Variants in FAM53B observed in about 807,000 individuals in gnomAD.
FAM53B encodes the protein family with sequence similarity 53 member B.
A neutral mutation model predicts 32.7 loss-of-function variants in FAM53B; 12 were observed. That is an observed-to-expected ratio of 0.37 (90% CI 0.24 to 0.59). FAM53B has a LOEUF of 0.59. Ranked by LOEUF, FAM53B falls within the 20% of genes least tolerant of loss-of-function variation. The pLI, the probability that FAM53B is intolerant of heterozygous loss-of-function variation, is 0.72. For synonymous variants in FAM53B, 234 were observed against 228.7 expected (o/e 1.02, Z -0.21); for missense variants, 477 against 577.7 (o/e 0.83, Z 1.79).
intron 4 of FAM53B, among the ~76,000 whole-genome samples, chr10:124,668,314 C>T (rs1304422467): frequency 6.6e-6 from 1 of 152,258 alleles, no homozygotes; most frequent in Non-Finnish European, 1.5e-5. Flanking sequence ...GACCACAGCC[C>T]CCACAGCAGG....
intron 1 of FAM53B, among the ~76,000 whole-genome samples, chr10:124,721,099 G>C (rs1299782662): frequency 6.6e-6 from 1 of 152,248 alleles, no homozygotes; most frequent in African/African-American, 2.4e-5. Flanking sequence ...CTACTCGGGA[G>C]GTTGGGGTGG....
chr10:124,734,841 C>A (rs182728245), intron 1 of FAM53B, among the ~76,000 whole-genome samples: 39 of 152,314 alleles, frequency 2.6e-4, no homozygotes, highest in African/African-American at 9.1e-4. Flanking sequence ...CTCACCAGAC[C>A]CAGGGAATAG....
intron 1 of FAM53B, among the ~76,000 whole-genome samples, chr10:124,707,654 G>A (rs1277424672): frequency 3.3e-5 from 5 of 152,152 alleles, no homozygotes; most frequent in South Asian, 2.1e-4. Flanking sequence ...CAGGAGAATC[G>A]CTTGAACCTG....
chr10:124,661,882 G>C (rs1008357263), intron 4 of FAM53B, among the ~76,000 whole-genome samples: 8 of 152,238 alleles, frequency 5.3e-5, no homozygotes, highest in African/African-American at 1.9e-4. Context: ...GCCTAGCAGG[G>C]GCCAGAGCAA....
intron 1 of FAM53B, among the ~76,000 whole-genome samples, chr10:124,710,970 C>G (rs1949997937): frequency 6.6e-6 from 1 of 152,198 alleles, no homozygotes; most frequent in South Asian, 2.1e-4. Flanking sequence ...TTCTCCTTAG[C>G]ATTTATTCCA....
intron 4 of FAM53B, among the ~76,000 whole-genome samples, chr10:124,648,835 C>T (rs1416428355): frequency 6.6e-6 from 1 of 152,246 alleles, no homozygotes. Flanking sequence ...TGTGGGAAGC[C>T]GCCCTGAGAA....
intron 1 of FAM53B, chr10:124,742,644 CCTG>C (rs1950206007): frequency 6.6e-6 from 1 of 152,320 alleles, no homozygotes; most frequent in African/African-American, 2.4e-5. Flanking sequence ...CATTCCAACT[CCTG>C]CAGCAGTCAA....
intron 3 of FAM53B, among the ~76,000 whole-genome samples, chr10:124,683,393 C>CTA (rs1304751451): frequency 6.6e-6 from 1 of 152,116 alleles, no homozygotes; most frequent in Non-Finnish European, 1.5e-5. Flanking sequence ...TTTCTCGAGC[C>CTA]TATATATATT....
intron 2 of FAM53B, chr10:124,705,543 G>A (rs1235831166): frequency 6.6e-6 from 1 of 152,286 alleles, no homozygotes; most frequent in Non-Finnish European, 1.5e-5. Flanking sequence ...TCTTAGTCAT[G>A]GGATCCTCAA....
At chr10:124,646,578 C>T (rs1949516859) in intron 4 of FAM53B, among the ~76,000 whole-genome samples, 1 of 152,212 alleles carries the variant, frequency 6.6e-6, no homozygotes, top group African/African-American at 2.4e-5. Context: ...ACGAGGTTCC[C>T]GATAGGTGCA....
At chr10:124,661,270 G>T (rs143436058) in intron 4 of FAM53B, among the ~76,000 whole-genome samples, 153 of 152,188 alleles carry the variant, frequency 1.0e-3, no homozygotes, top group African/African-American at 3.5e-3. Flanking sequence ...GAGGTGTGTC[G>T]CATCCCACAC....
intron 2 of FAM53B, 36 bp downstream of exon 2, chr10:124,706,600 T>C (rs756096953): frequency 2.5e-6 from 4 of 1,613,770 alleles, no homozygotes; most frequent in East Asian, 2.2e-5. Flanking sequence ...GCCTCAGAAA[T>C]GGTCATGGAA....
chr10:124,731,792 T>C (rs985232047), intron 1 of FAM53B, among the ~76,000 whole-genome samples: 1 of 152,014 alleles, frequency 6.6e-6, no homozygotes, highest in East Asian at 1.9e-4. Context: ...CCGCATCACC[T>C]CCAAAACTGT....
At chr10:124,731,077 T>C (rs1305479351) in intron 1 of FAM53B, among the ~76,000 whole-genome samples, 1 of 152,232 alleles carries the variant, frequency 6.6e-6, no homozygotes, top group Non-Finnish European at 1.5e-5. Flanking sequence ...ACGCCAGAAC[T>C]ACTGCCCATG....
intron 4 of FAM53B, among the ~76,000 whole-genome samples, chr10:124,650,230 C>A (rs776811347): frequency 9.9e-5 from 15 of 152,222 alleles, no homozygotes; most frequent in South Asian, 4.1e-4. Context: ...AGACCTCTCC[C>A]TCCAAGGAAG....
intron 1 of FAM53B, among the ~76,000 whole-genome samples, chr10:124,715,659 C>G (rs190396955): frequency 6.6e-6 from 1 of 152,242 alleles, no homozygotes; most frequent in East Asian, 1.9e-4. Flanking sequence ...TGATGTCTAT[C>G]TGCTAAGTCA....
intron 4 of FAM53B, among the ~76,000 whole-genome samples, chr10:124,679,460 C>T (rs1350401719): frequency 6.6e-6 from 1 of 152,174 alleles, no homozygotes; most frequent in Non-Finnish European, 1.5e-5. Flanking sequence ...TTCTCAGGGC[C>T]CCACAGAAAA....
chr10:124,699,453 G>A (rs1289724094), intron 2 of FAM53B, among the ~76,000 whole-genome samples: 5 of 152,234 alleles, frequency 3.3e-5, no homozygotes, highest in African/African-American at 1.2e-4. Flanking sequence ...GGCTAGCCTG[G>A]CCTCCTCATG....
intron 2 of FAM53B, among the ~76,000 whole-genome samples, chr10:124,697,210 G>A (rs1333626645): frequency 3.3e-5 from 5 of 152,130 alleles, no homozygotes; most frequent in Non-Finnish European, 5.9e-5. Context: ...CTTCCTAGGC[G>A]GGCTGTGCTG....
Sources: allele counts gnomAD v4.1 joint callset (sites outside exome capture counted in the v4.1 genomes callset), GRCh38; gene constraint gnomAD v4.1.1; transcripts MANE v1.5; gene names NCBI Gene and HGNC (gene_info 2026-07-23, HGNC 2026-07-21).